ZEB1: variants seen among roughly 807,000 people sequenced by gnomAD.
ZEB1 encodes the protein zinc finger E-box binding homeobox 1, also known as zinc finger E-box-binding homeobox 1.
Under a neutral mutation model 84.9 loss-of-function variants are expected in ZEB1, and 21 were observed. The ratio of observed to expected loss-of-function variants is 0.25; its 90% CI spans 0.18 to 0.36. ZEB1 has a LOEUF of 0.36. ZEB1 is among the 10% of genes least tolerant of loss of function. The pLI is 1.00. For missense variants in ZEB1, 1,104 were observed against 1,330.2 expected, an observed-to-expected ratio of 0.83 and a Z score of 2.65; for synonymous variants, 420 against 471.1, an observed-to-expected ratio of 0.89 and a Z score of 1.41.
intron 1 of ZEB1, among the ~76,000 whole-genome samples, chr10:31,355,358 A>T (rs1342675243): frequency 1.3e-5 from 2 of 152,176 alleles, no homozygotes; most frequent in African/African-American, 4.8e-5. Flanking sequence ...TCATTTATTC[A>T]ACAAATATTT....
chr10:31,431,506 C>G (rs1480604729), intron 1 of ZEB1, among the ~76,000 whole-genome samples: 1 of 152,100 alleles, frequency 6.6e-6, no homozygotes, highest in Non-Finnish European at 1.5e-5. Flanking sequence ...GTAAAAATCT[C>G]AGAAGCATAA....
At chr10:31,331,757 T>G (rs1403127918) in intron 1 of ZEB1, among the ~76,000 whole-genome samples, 1 of 152,142 alleles carries the variant, frequency 6.6e-6, no homozygotes, top group East Asian at 1.9e-4. Flanking sequence ...TGCAAAGGCA[T>G]AACACACATG....
At position 31,493,780 on chromosome 10, in the gene ZEB1, A is replaced by G. The variant is rs76524574; in HGVS notation, c.260-1996A>G. On this transcript the variant is annotated intron_variant, in intron 2 of 8. Coordinates refer to ENST00000424869, the MANE Select transcript of ZEB1 (RefSeq NM_001174096.2). The stretch of plus-strand genomic sequence containing the variant: ...CACCATGGTCTTAGTTGCTCAACCA[A>G]AACTCCAGCCTCAATAATGAGGGAA... Among the ~76,000 whole-genome samples the G allele has an allele frequency of 3.3e-3, 502 of 152,112 alleles. 4 individuals are homozygous for G. Among genetic ancestry groups the G allele is most frequent in the African/African-American group, 0.011 (472 of 41,536 alleles).
At chr10:31,341,100 A>G (rs150464753) in intron 1 of ZEB1, among the ~76,000 whole-genome samples, 2 of 152,262 alleles carry the variant, frequency 1.3e-5, no homozygotes, top group Non-Finnish European at 2.9e-5. Context: ...TTGGACAGTC[A>G]TTGAAGGGTT....
At chr10:31,320,743 TTC>T (rs1180861842) in intron 1 of ZEB1, 1 of 152,250 alleles carries the variant, frequency 6.6e-6, no homozygotes, top group Admixed American at 6.5e-5. Flanking sequence ...ATGCTATGCT[TTC>T]TCTCCCTCTC....
At chr10:31,409,841 A>G (rs2053895273) in intron 1 of ZEB1, among the ~76,000 whole-genome samples, 1 of 152,074 alleles carries the variant, frequency 6.6e-6, no homozygotes, top group Non-Finnish European at 1.5e-5. Flanking sequence ...AATGCTTGTG[A>G]TTTTTGCACA....
intron 2 of ZEB1, 42 bp downstream of exon 2, chr10:31,461,279 C>G: frequency 2.0e-6 from 3 of 1,537,132 alleles, no homozygotes; most frequent in Non-Finnish European, 2.7e-6. Flanking sequence ...TCTCATGATT[C>G]GTTTTTTAAA....
chr10:31,483,525 C>T (rs16932398), intron 2 of ZEB1, among the ~76,000 whole-genome samples: 8,861 of 152,030 alleles, frequency 0.058, 725 homozygotes, highest in African/African-American at 0.18. Flanking sequence ...CAATGCCCAT[C>T]CATATAGAAA....
intron 2 of ZEB1, among the ~76,000 whole-genome samples, chr10:31,489,542 C>T (rs2066215278): frequency 6.6e-6 from 1 of 150,990 alleles, no homozygotes; most frequent in South Asian, 2.1e-4. Context: ...TCTGTATTTT[C>T]ACTCTTCTGG....
At chr10:31,442,790 A>C (rs60585493) in intron 1 of ZEB1, among the ~76,000 whole-genome samples, 2,353 of 152,296 alleles carry the variant, frequency 0.015, 56 homozygotes, top group African/African-American at 0.053. Context: ...GTAATGAATT[A>C]TGTCAAATGC....
chr10:31,524,980 G>C (rs573688807), intron 8 of ZEB1, among the ~76,000 whole-genome samples: 2 of 152,304 alleles, frequency 1.3e-5, no homozygotes, highest in Admixed American at 1.3e-4. Context: ...GCAAACTATA[G>C]CTCACAGGCC....
At chr10:31,428,424 G>T (rs1230837502) in intron 1 of ZEB1, among the ~76,000 whole-genome samples, 1 of 152,200 alleles carries the variant, frequency 6.6e-6, no homozygotes, top group African/African-American at 2.4e-5. Context: ...TGGTCCAAGA[G>T]ACTGTTAAGA....
intron 1 of ZEB1, among the ~76,000 whole-genome samples, chr10:31,361,832 A>G (rs2043166624): frequency 1.3e-5 from 2 of 150,562 alleles, no homozygotes; most frequent in Admixed American, 6.6e-5. Context: ...CTCATTTCCC[A>G]GACGGTGAGG....
In ZEB1 at chr10:31,521,634, C is replaced by A; in HGVS notation, c.2302C>A (p.Pro768Thr). Reference sequence around the variant, plus strand: ...CAGTGTTTATTCTGTCCAGGAAGAACCCTTGAACTTGTCTTGCGCAAAAAA... The same window carrying A: ...CAGTGTTTATTCTGTCCAGGAAGAAACCTTGAACTTGTCTTGCGCAAAAAA... ...QNSVYSVQEE[P>T]LNLSCAKKEP... Residue 768 changes from proline (P) to threonine (T), a missense_variant, in exon 7 of 9, where the codon CCC becomes ACC. This residue lies in a region of ZEB1 where 531 missense variants were observed against 575.2 expected (regional missense o/e 0.92). Transcript: ENST00000424869. 6.2e-7 allele frequency: 1 copy of A among 1,614,096 alleles called. No homozygotes were observed. The highest frequency in any genetic ancestry group is 8.5e-7 in the Non-Finnish European group (1 of 1,179,992).
intron 1 of ZEB1, among the ~76,000 whole-genome samples, chr10:31,444,956 T>G (rs1263887939): frequency 1.3e-5 from 2 of 152,172 alleles, no homozygotes; most frequent in African/African-American, 2.4e-5. Flanking sequence ...GTGAAGAAAG[T>G]CATTGGTAGC....
intron 2 of ZEB1, among the ~76,000 whole-genome samples, chr10:31,464,782 T>C (rs2062198933): frequency 6.6e-6 from 1 of 152,148 alleles, no homozygotes; most frequent in South Asian, 2.1e-4. Context: ...CCCAGCAAAG[T>C]TATACTTCAG....
intron 1 of ZEB1, among the ~76,000 whole-genome samples, chr10:31,404,621 A>G (rs1017435749): frequency 6.7e-6 from 1 of 150,234 alleles, no homozygotes; most frequent in Admixed American, 6.6e-5. Flanking sequence ...TATATCTCCT[A>G]TTCTTTTCTT....
chr10:31,385,714 G>A (rs2048519151), intron 1 of ZEB1, among the ~76,000 whole-genome samples: 1 of 151,880 alleles, frequency 6.6e-6, no homozygotes, highest in Middle Eastern at 3.2e-3. Context: ...TTTTAGTAGA[G>A]ATGGGGTTTC....
intron 1 of ZEB1, among the ~76,000 whole-genome samples, chr10:31,452,810 A>G (rs1177418814): frequency 1.4e-5 from 2 of 143,390 alleles, no homozygotes; most frequent in African/African-American, 2.9e-5. Context: ...TTAAAGAATA[A>G]TGGATGGAAA....
Sources: allele counts gnomAD v4.1 joint callset (sites outside exome capture counted in the v4.1 genomes callset), GRCh38; gene constraint gnomAD v4.1.1; regional missense constraint gnomAD v4.1.1; transcripts MANE v1.5; gene names NCBI Gene and HGNC (gene_info 2026-07-23, HGNC 2026-07-21).